The following MAPK4 variants were observed in gnomAD, a reference collection of about 807,000 sequenced individuals.
The protein encoded by MAPK4 is Erk3-related.
MAPK4 carries 22 observed loss-of-function variants against 47.7 expected under a neutral mutation model. The observed-to-expected ratio is 0.46, with a 90% CI of 0.33 to 0.66. The LOEUF (loss-of-function observed/expected upper bound fraction) is 0.66. Among genes scored for constraint, MAPK4 ranks in the 30% least tolerant of loss-of-function variants. The pLI is 0.02. For missense variants in MAPK4, 736 were observed against 831.7 expected (o/e 0.88, Z 1.42); for synonymous variants, 390 against 365.7 (o/e 1.07, Z -0.76).
At chr18:50,592,729 C>G (rs900836320) in intron 1 of MAPK4, among the ~76,000 whole-genome samples, 6 of 152,152 alleles carry the variant, frequency 3.9e-5, no homozygotes, top group Admixed American at 1.3e-4. Flanking sequence ...GCTTTTTGTT[C>G]ATGACTTTTA....
intron 2 of MAPK4, among the ~76,000 whole-genome samples, chr18:50,699,367 T>C (rs1175400867): frequency 6.6e-6 from 1 of 152,220 alleles, no homozygotes; most frequent in Non-Finnish European, 1.5e-5. Flanking sequence ...CAGTACATCA[T>C]TGCACTAGTG....
chr18:50,639,788 A>G (rs894066666), intron 1 of MAPK4, among the ~76,000 whole-genome samples: 1 of 152,118 alleles, frequency 6.6e-6, no homozygotes, highest in African/African-American at 2.4e-5. Flanking sequence ...GGACATTGGG[A>G]TGATTAAGAG....
intron 1 of MAPK4, among the ~76,000 whole-genome samples, chr18:50,658,201 T>C (rs2043132247): frequency 6.6e-6 from 1 of 152,182 alleles, no homozygotes; most frequent in South Asian, 2.1e-4. Context: ...CCATACTGGG[T>C]TGAACAAAGG....
intron 3 of MAPK4, among the ~76,000 whole-genome samples, chr18:50,717,006 C>T (rs1910673726): frequency 6.6e-6 from 1 of 152,200 alleles, no homozygotes; most frequent in South Asian, 2.1e-4. Context: ...CTCATCTCAT[C>T]TCCCATCATC....
At position 50,678,413 on chromosome 18, in the gene MAPK4, T is replaced by C. The variant is rs980135325; in HGVS notation, c.546+13909T>C. On this transcript the variant is annotated intron_variant, in intron 2 of 5. Transcript: ENST00000400384. The surrounding 1 kb of genome is among the most constrained non-coding windows in gnomAD (Gnocchi z 4.2). ...CAAGATATTTAACAACTGGTAAGCT[T>C]TGGGACCAACCAATCTGAACAGACA... 6.6e-6 allele frequency among the ~76,000 whole-genome samples: 1 copy of C among 152,160 alleles called. No homozygotes were observed. Among genetic ancestry groups the C allele is most frequent in the African/African-American group, 2.4e-5 (1 of 41,444 alleles).
intron 2 of MAPK4, among the ~76,000 whole-genome samples, chr18:50,693,321 C>T (rs573783898): frequency 1.1e-3 from 160 of 152,160 alleles, no homozygotes; most frequent in African/African-American, 3.7e-3. Context: ...GCCTGTGTGC[C>T]CTCACTTTAT....
intron 1 of MAPK4, among the ~76,000 whole-genome samples, chr18:50,634,181 G>A (rs921100932): frequency 3.3e-5 from 5 of 152,146 alleles, no homozygotes; most frequent in Non-Finnish European, 7.3e-5. Context: ...AGAGCTGAGC[G>A]GGGGTATTCT....
At chr18:50,604,255 T>A (rs965643664) in intron 1 of MAPK4, among the ~76,000 whole-genome samples, 1 of 152,262 alleles carries the variant, frequency 6.6e-6, no homozygotes, top group African/African-American at 2.4e-5. Context: ...ATTTTTAGCA[T>A]GCTTTGTTTA....
Position 50,600,446 on chromosome 18 carries a change from G to A in MAPK4, c.-871+40203G>A, listed in dbSNP as rs9653021. 7.5e-3 allele frequency among the ~76,000 whole-genome samples: 1,147 copies of A among 152,286 alleles called. 18 individuals are homozygous for A. Among genetic ancestry groups the A allele is most frequent in the African/African-American group, 0.026 (1,076 of 41,566 alleles). On this transcript the variant is annotated intron_variant, in intron 1 of 5. Coordinates refer to ENST00000400384, the MANE Select transcript of MAPK4 (RefSeq NM_002747.4). ...ACATGGCCCCAAACAGCCCATGTAA[G>A]GAGCTTGCTGGGGGCTTCTGAGAAA... is the stretch of plus-strand genomic sequence containing the variant.
At chr18:50,564,332 G>A (rs4548978) in intron 1 of MAPK4, among the ~76,000 whole-genome samples, 61,447 of 152,000 alleles carry the variant, frequency 0.4, 13,362 homozygotes, top group Middle Eastern at 0.49. Context: ...GTTATGGGGA[G>A]CTGTCCTGTG....
intron 2 of MAPK4, among the ~76,000 whole-genome samples, chr18:50,673,593 G>A (rs1383806317): frequency 6.6e-6 from 1 of 152,098 alleles, no homozygotes; most frequent in Non-Finnish European, 1.5e-5. Context: ...GGTGGCTCAC[G>A]CCTGTAATCC....
chr18:50,642,485 T>C (rs1368141599), intron 1 of MAPK4, among the ~76,000 whole-genome samples: 1 of 152,184 alleles, frequency 6.6e-6, no homozygotes, highest in Non-Finnish European at 1.5e-5. Flanking sequence ...ACCACCCCAA[T>C]ATAGTTAGTG....
At chr18:50,640,744 G>A (rs1257148231) in intron 1 of MAPK4, among the ~76,000 whole-genome samples, 2 of 152,286 alleles carry the variant, frequency 1.3e-5, no homozygotes, top group Non-Finnish European at 2.9e-5. Context: ...GGGATTACAG[G>A]CATGAGCCAC....
intron 2 of MAPK4, among the ~76,000 whole-genome samples, chr18:50,681,977 C>G (rs960646753): frequency 6.6e-6 from 1 of 152,094 alleles, no homozygotes; most frequent in African/African-American, 2.4e-5. Flanking sequence ...CACACAAAGG[C>G]CACATATTGT....
intron 1 of MAPK4, among the ~76,000 whole-genome samples, chr18:50,570,922 G>A (rs1243887777): frequency 6.6e-6 from 1 of 152,132 alleles, no homozygotes; most frequent in Non-Finnish European, 1.5e-5. Context: ...TTGGTTTTTG[G>A]GGTGTGGGAG....
intron 2 of MAPK4, among the ~76,000 whole-genome samples, chr18:50,712,180 A>C (rs1263695540): frequency 6.6e-6 from 1 of 152,196 alleles, no homozygotes; most frequent in East Asian, 1.9e-4. Flanking sequence ...TAATCCCAGC[A>C]CTTCGAAAGG....
chr18:50,699,663 A>G (rs1909680562), intron 2 of MAPK4, among the ~76,000 whole-genome samples: 1 of 152,164 alleles, frequency 6.6e-6, no homozygotes, highest in Non-Finnish European at 1.5e-5. Context: ...AGTCCCACAC[A>G]AGGGTGCTCT....
At chr18:50,711,584 T>C (rs1408870805) in intron 2 of MAPK4, among the ~76,000 whole-genome samples, 1 of 152,220 alleles carries the variant, frequency 6.6e-6, no homozygotes, top group African/African-American at 2.4e-5. Flanking sequence ...GTGCGCCAAG[T>C]GTGCCTGCTG....
At chr18:50,560,063 G>A (rs2042137729), upstream of MAPK4, 1 of 147,854 alleles carries the variant, frequency 6.8e-6, no homozygotes, top group African/African-American at 2.5e-5. Context: ...GGCGCAGGCT[G>A]GGGCCGGGGC....
Sources: allele counts gnomAD v4.1 joint callset (sites outside exome capture counted in the v4.1 genomes callset), GRCh38; gene constraint gnomAD v4.1.1; non-coding constraint Gnocchi (gnomAD v3.1); transcripts MANE v1.5; gene names NCBI Gene and HGNC (gene_info 2026-07-23, HGNC 2026-07-21).